Variants in CCL3 observed in about 807,000 individuals in gnomAD.
The protein encoded by CCL3 is C-C motif chemokine 3.
CCL3 carries 6 observed loss-of-function variants against 8.1 expected under a neutral mutation model. The observed-to-expected ratio is 0.74, with a 90% CI of 0.41 to 1.46. The LOEUF (loss-of-function observed/expected upper bound fraction) is 1.46, where lower values mean the gene tolerates loss of function less well. Among genes scored for constraint, CCL3 ranks in the 40% most tolerant of loss-of-function variants. The pLI, the probability that CCL3 is intolerant of heterozygous loss-of-function variation, is 0.02. For missense variants in CCL3, 109 were observed against 117.7 expected, an observed-to-expected ratio of 0.93 and a Z score of 0.34; for synonymous variants, 45 against 45.1, an observed-to-expected ratio of 1.00 and a Z score of 0.01.
At chr17:36,089,132 A>G (rs770156958) in intron 2 of CCL3, 51 bp downstream of exon 2, 11 of 1,610,960 alleles carry the variant, frequency 6.8e-6, no homozygotes, top group Non-Finnish European at 9.3e-6. Flanking sequence ...CTCTGCCCCA[A>G]CCCTGACCCT....
At position 36,089,963 on chromosome 17, in the gene CCL3, C is replaced by G. The variant is rs147700636; in HGVS notation, c.73+23G>C. ...TAACCATGGCCAGAGAGTGGTGATA[C>G]CCACAACGAAACTCAGACTCACGTG... is the stretch of plus-strand genomic sequence containing the variant. On this transcript the variant is annotated intron_variant, in intron 1 of 2. Coordinates refer to ENST00000613922, the MANE Select transcript of CCL3 (RefSeq NM_002983.3). 8.6e-4 allele frequency: 1,381 copies of G among 1,608,012 alleles called. 5 individuals carry two copies. The African/African-American group carries it at 0.015, about 17-fold the overall frequency.
chr17:36,089,920 GAA>G (rs2067029704), intron 1 of CCL3, 64 bp downstream of exon 1: 13 of 1,473,236 alleles, frequency 8.8e-6, no homozygotes, highest in Non-Finnish European at 3.8e-6. Flanking sequence ...TAGGCCACAA[GAA>G]AAGATTGATG....
intron 1 of CCL3, chr17:36,089,528 A>G: frequency 1.6e-6 from 1 of 622,288 alleles, no homozygotes; most frequent in Admixed American, 2.8e-5. Context: ...ACCTGAACGG[A>G]CTGTTCTCTT....
chr17:36,088,665 G>T lies in CCL3; in HGVS notation c.*7C>A, dbSNP rs373603935. On this transcript the variant is annotated 3_prime_UTR_variant, in exon 3 of 3. Coordinates refer to ENST00000613922, the MANE Select transcript of CCL3 (RefSeq NM_002983.3). The stretch of plus-strand genomic sequence containing the variant: ...GAGGTCGCTGGGCCTCGAAGCTTCT[G>T]GACCCCTCAGGCACTCAGCTCCAGG... 1 of 1,613,022 alleles carries T rather than the reference G, an allele frequency of 6.2e-7. No homozygotes were observed. Among genetic ancestry groups the T allele is most frequent in the Non-Finnish European group, 8.5e-7 (1 of 1,179,840 alleles).
chr17:36,089,129 C>G, intron 2 of CCL3, 54 bp downstream of exon 2: 1 of 1,610,474 alleles, frequency 6.2e-7, no homozygotes, highest in Non-Finnish European at 8.5e-7. Flanking sequence ...TGTCTCTGCC[C>G]CAACCCTGAC....
At position 36,090,088 on chromosome 17, in the gene CCL3, C is replaced by G. The variant is rs1190410573; in HGVS notation, c.-30G>C. 1 of 1,603,236 alleles carries G rather than the reference C, an allele frequency of 6.2e-7. No homozygotes were observed. Among genetic ancestry groups the G allele is most frequent in the South Asian group, 1.1e-5 (1 of 90,368 alleles). On this transcript the variant is annotated 5_prime_UTR_variant, in exon 1 of 3. Coordinates refer to ENST00000613922, the MANE Select transcript of CCL3 (RefSeq NM_002983.3). Reference sequence around the variant, plus strand: ...CTGAGCAGGTGACGGAATGTGGGCTCGAGTGTCAGCAGAGCCAAGAAAGGA... The same window carrying G: ...CTGAGCAGGTGACGGAATGTGGGCTGGAGTGTCAGCAGAGCCAAGAAAGGA...
chr17:36,089,057 C>G, intron 2 of CCL3, 126 bp downstream of exon 2: 1 of 1,278,028 alleles, frequency 7.8e-7, no homozygotes, highest in Non-Finnish European at 1.1e-6. Context: ...CCTCGGAGCC[C>G]TGCGTCCTGT....
chr17:36,090,002 G>T lies in CCL3; in HGVS notation c.57C>A (p.Asn19Lys). 6 of 1,613,954 alleles carry T rather than the reference G, an allele frequency of 3.7e-6. No homozygotes were observed. Among genetic ancestry groups the T allele is most frequent in the Non-Finnish European group, 5.1e-6 (6 of 1,179,998 alleles). The change falls in exon 1 of 3, where the codon AAC becomes AAA. Residue 19 changes from asparagine (N) to lysine (K), a missense_variant. Coordinates refer to ENST00000613922, the MANE Select transcript of CCL3 (RefSeq NM_002983.3). The part of the protein sequence containing the change: ...AVLLCTMALC[N>K]QFSASLAADT... ...CAGACTCACGTGATGCAGAGAACTG[G>T]TTGCAGAGAGCCATGGTGCAGAGGA...
intron 1 of CCL3, 41 bp downstream of exon 1, chr17:36,089,945 G>T: frequency 6.4e-7 from 1 of 1,568,550 alleles, no homozygotes; most frequent in Non-Finnish European, 8.8e-7. Flanking sequence ...GTCTAACCAT[G>T]GCCAGAGAGT....
In CCL3 at chr17:36,089,185, G is replaced by A. The variant is rs757771871; in HGVS notation, c.186C>T (p.Val62=). Residue 62 remains valine, a splice_region_variant and synonymous_variant, in exon 2 of 3, where the codon GTC becomes GTT. Coordinates refer to ENST00000613922, the MANE Select transcript of CCL3 (RefSeq NM_002983.3). ...ETSSQCSKPG[V]IFLTKRSRQV... ...TGAGCAGGAAGACTGGCACTTACAT[G>A]ACACCGGGCTTGGAGCACTGGCTGC... 6.2e-7 allele frequency: 1 copy of A among 1,613,970 alleles called. No individual in the cohort carries two copies. Among genetic ancestry groups the A allele is most frequent in the South Asian group, 1.1e-5 (1 of 91,072 alleles).
Position 36,088,712 on chromosome 17 carries a change from C to T in CCL3, c.239G>A (p.Trp80Ter), listed in dbSNP as rs201437905. The part of the protein sequence containing the change: ...RQVCADPSEE[W>*]VQKYVSDLEL... ...CAGGTCGCTGACATATTTCTGGACCCACTCCTCACTGGGGTCAGCACAGAC... is the reference window on the plus strand; with the variant it reads ...CAGGTCGCTGACATATTTCTGGACCTACTCCTCACTGGGGTCAGCACAGAC... Residue 80 changes from tryptophan (W) to a stop codon, truncating the protein, a stop_gained, in exon 3 of 3, where the codon TGG becomes TAG. Transcript: ENST00000613922. LOFTEE classifies it high-confidence loss of function. 5.7e-5 allele frequency: 92 copies of T among 1,613,774 alleles called. No individual in the cohort carries two copies. Among genetic ancestry groups the T allele is most frequent in the Non-Finnish European group, 5.2e-5 (61 of 1,179,870 alleles).
Position 36,088,865 on chromosome 17 carries a change from G to T in CCL3, c.189-103C>A, listed in dbSNP as rs545841233. 3.4e-6 allele frequency: 5 copies of T among 1,485,202 alleles called. No individual in the cohort carries two copies. In the East Asian group the frequency reaches 1.1e-4, roughly 34 times the overall value. The allele number at this position is 1,485,202 out of a possible 1,614,324, so 92.0% of individuals were successfully genotyped here. ...TGCTCTCTGTCCTGGGCAGCTCAGGGCTTGCTCCTCTTTCAGGGGCCCCCT... is the reference window on the plus strand; with the variant it reads ...TGCTCTCTGTCCTGGGCAGCTCAGGTCTTGCTCCTCTTTCAGGGGCCCCCT... On this transcript the variant is annotated intron_variant, in intron 2 of 2. Coordinates refer to ENST00000613922, the MANE Select transcript of CCL3 (RefSeq NM_002983.3).
intron 1 of CCL3, 41 bp downstream of exon 1, chr17:36,089,945 G>C (rs2067030232): frequency 2.6e-6 from 4 of 1,568,434 alleles, no homozygotes; most frequent in Non-Finnish European, 3.5e-6. Flanking sequence ...GTCTAACCAT[G>C]GCCAGAGAGT....
chr17:36,088,928 G>GGC lies in CCL3; in HGVS notation c.189-167_189-166insGC, dbSNP rs375264282. Among the ~76,000 whole-genome samples the GGC allele has an allele frequency of 9.9e-3, 1,502 of 152,304 alleles. 24 individuals are homozygous for GGC. Among genetic ancestry groups the GGC allele is most frequent in the East Asian group, 0.086 (447 of 5,176 alleles). On this transcript the variant is annotated intron_variant, in intron 2 of 2. Transcript: ENST00000613922. Reference sequence around the variant, plus strand: ...CTAGAGAGCTTCTCTCAGTGACTCAGTAGGGGTGGCCCTCAGAGTGTCCCG... The same window carrying GGC: ...CTAGAGAGCTTCTCTCAGTGACTCAGGCTAGGGGTGGCCCTCAGAGTGTCCCG...
chr17:36,088,538 G>T lies in CCL3; in HGVS notation c.*134C>A. The T allele has an allele frequency of 2.1e-5, 18 of 869,032 alleles. No individual in the cohort carries two copies. The South Asian group carries it at 2.3e-4, about 11-fold the overall frequency. 53.8% of individuals were successfully genotyped at this position (869,032 alleles called of 1,614,324 possible). A position where few individuals can be genotyped will look rare whatever the true frequency, so the allele number is the denominator to read the frequency against. Reference sequence around the variant, plus strand: ...AATTTAAGTTAAGAAGAGTCCCACAGTGTGGCTGTTTGGCAACAACCAGTC... The same window carrying T: ...AATTTAAGTTAAGAAGAGTCCCACATTGTGGCTGTTTGGCAACAACCAGTC... On this transcript the variant is annotated 3_prime_UTR_variant, in exon 3 of 3. Coordinates refer to ENST00000613922, the MANE Select transcript of CCL3 (RefSeq NM_002983.3).
At chr17:36,089,699 C>A (rs1159327654) in intron 1 of CCL3, 10 of 677,328 alleles carry the variant, frequency 1.5e-5, no homozygotes, top group Non-Finnish European at 2.7e-5. Context: ...AAGTAAGCAG[C>A]CCTGGATTCT....
At position 36,089,199 on chromosome 17, in the gene CCL3, A is replaced by C; in HGVS notation, c.172T>G (p.Ser58Ala). 1 of 1,613,974 alleles carries C rather than the reference A, an allele frequency of 6.2e-7. No homozygotes were observed. The highest frequency in any genetic ancestry group is 1.1e-5 in the South Asian group (1 of 91,072). ...ADYFETSSQC[S>A]KPGVIFLTKR... ...GGCACTTACATGACACCGGGCTTGG[A>C]GCACTGGCTGCTCGTCTCAAAGTAG... The change falls in exon 2 of 3, where the codon TCC (serine) becomes GCC (alanine). Residue 58 changes from serine to alanine, a missense_variant. Transcript: ENST00000613922.
Position 36,089,987 on chromosome 17 carries a change from T to C in CCL3, c.72A>G (p.Ser24=). The change falls in exon 1 of 3, where the codon TCA becomes TCG. Residue 24 remains serine (S), a splice_region_variant and synonymous_variant. Coordinates refer to ENST00000613922, the MANE Select transcript of CCL3 (RefSeq NM_002983.3). ...ACCCACAACGAAACTCAGACTCACG[T>C]GATGCAGAGAACTGGTTGCAGAGAG... The part of the protein sequence containing the change: ...TMALCNQFSA[S]LAADTPTACC... The C allele has an allele frequency of 6.2e-7, 1 of 1,613,700 alleles. No homozygotes were observed. The highest frequency in any genetic ancestry group is 8.5e-7 in the Non-Finnish European group (1 of 1,179,770).
At position 36,088,361 on chromosome 17, in the gene CCL3, T is replaced by C; in HGVS notation, c.*311A>G. ...AGTCTGGTGGCTTTGGTGCCATGAC[T>C]GCCTACACAGGCTGATGACAGCCAC... On this transcript the variant is annotated 3_prime_UTR_variant, in exon 3 of 3. Coordinates refer to ENST00000613922, the MANE Select transcript of CCL3 (RefSeq NM_002983.3). 1 of 409,892 alleles carries C rather than the reference T, an allele frequency of 2.4e-6. No individual in the cohort carries two copies. Among genetic ancestry groups the C allele is most frequent in the East Asian group, 4.9e-5 (1 of 20,234 alleles). The allele number at this position is 409,892 out of a possible 1,614,324, so 25.4% of individuals were successfully genotyped here. A position where few individuals can be genotyped will look rare whatever the true frequency, so the allele number is the denominator to read the frequency against.
Sources: allele counts gnomAD v4.1 joint callset (sites outside exome capture counted in the v4.1 genomes callset), GRCh38; gene constraint gnomAD v4.1.1; transcripts MANE v1.5; gene names NCBI Gene and HGNC (gene_info 2026-07-23, HGNC 2026-07-21).